ATXN7L1: variants seen among roughly 807,000 people sequenced by gnomAD.
ATXN7L1 encodes ataxin-7-like protein 1.
ATXN7L1 carries 15 observed loss-of-function variants against 70.8 expected under a neutral mutation model. The observed-to-expected ratio is 0.21, with a 90% CI of 0.14 to 0.33. The LOEUF is 0.33. Ranked by LOEUF, ATXN7L1 falls within the 10% of genes least tolerant of loss-of-function variation. The probability of loss-of-function intolerance (pLI) is 1.00; values close to 1 mark genes in which losing one functional copy is unlikely to be tolerated. For missense variants in ATXN7L1, 975 were observed against 1,097.1 expected, an observed-to-expected ratio of 0.89 and a Z score of 1.57; for synonymous variants, 440 against 445.1, an observed-to-expected ratio of 0.99 and a Z score of 0.14.
At chr7:105,808,757 A>C (rs968813282) in intron 2 of ATXN7L1, among the ~76,000 whole-genome samples, 5 of 152,240 alleles carry the variant, frequency 3.3e-5, no homozygotes, top group Admixed American at 6.5e-5. Context: ...CTGCTTTTAC[A>C]GATCAAGTGC....
chr7:105,641,765 G>A (rs942449744), intron 5 of ATXN7L1, among the ~76,000 whole-genome samples: 2 of 152,264 alleles, frequency 1.3e-5, no homozygotes, highest in Non-Finnish European at 2.9e-5. Context: ...TTTCTTTCTT[G>A]ACAGTGGGTG....
chr7:105,635,309 C>T (rs1416052790), intron 7 of ATXN7L1, among the ~76,000 whole-genome samples: 2 of 152,086 alleles, frequency 1.3e-5, no homozygotes, highest in South Asian at 2.1e-4. Flanking sequence ...GAGTTGGAGG[C>T]GAATAAACTG....
rs1793643158 is a variant in ATXN7L1, at chr7:105,614,890, T to C, written c.1518-74A>G. On this transcript the variant is annotated intron_variant, in intron 9 of 11. Coordinates refer to ENST00000419735, the MANE Select transcript of ATXN7L1 (RefSeq NM_020725.2). The surrounding 1 kb of genome is among the most constrained non-coding windows in gnomAD (Gnocchi z 4.3). ...CATTGCTCAGGAGGCTCGATGACGT[T>C]TGAGGATCAGGGCTACAGAGGACAC... 6.1e-6 allele frequency: 9 copies of C among 1,483,026 alleles called. No homozygotes were observed. The South Asian group carries it at 9.5e-5, about 16-fold the overall frequency. 91.9% of individuals were successfully genotyped at this position (1,483,026 alleles called of 1,614,324 possible). A position where few individuals can be genotyped will look rare whatever the true frequency, so the allele number is the denominator to read the frequency against.
intron 3 of ATXN7L1, among the ~76,000 whole-genome samples, chr7:105,674,504 ATTAAAGC>A (rs1474799231): frequency 1.3e-5 from 2 of 152,186 alleles, no homozygotes; most frequent in Non-Finnish European, 2.9e-5. Context: ...GATGGGGGAA[ATTAAAGC>A]TTAGCAAGAT....
chr7:105,746,875 C>T (rs1219021723), intron 3 of ATXN7L1, among the ~76,000 whole-genome samples: 1 of 152,174 alleles, frequency 6.6e-6, no homozygotes, highest in Non-Finnish European at 1.5e-5. Flanking sequence ...ATGGAACAGC[C>T]TTGCCTTCTG....
intron 3 of ATXN7L1, among the ~76,000 whole-genome samples, chr7:105,787,895 T>C (rs2116479390): frequency 6.6e-6 from 1 of 152,378 alleles, no homozygotes; most frequent in East Asian, 1.9e-4. Context: ...TTCCCTGCTA[T>C]AGATAAGGAA....
intron 2 of ATXN7L1, among the ~76,000 whole-genome samples, chr7:105,864,584 T>C (rs1817126647): frequency 6.7e-6 from 1 of 148,888 alleles, no homozygotes; most frequent in Non-Finnish European, 1.5e-5. Flanking sequence ...CACAGCAGGG[T>C]CTCCAGAATG....
At chr7:105,712,168 C>G (rs1213725477) in intron 3 of ATXN7L1, among the ~76,000 whole-genome samples, 2 of 152,226 alleles carry the variant, frequency 1.3e-5, no homozygotes, top group Non-Finnish European at 2.9e-5. Context: ...CACAGTGTCC[C>G]AAGGCTGCAC....
At chr7:105,784,445 C>CAA (rs1803978132) in intron 3 of ATXN7L1, among the ~76,000 whole-genome samples, 1 of 151,976 alleles carries the variant, frequency 6.6e-6, no homozygotes, top group Non-Finnish European at 1.5e-5. Flanking sequence ...AACACACACA[C>CAA]ACACACACAC....
At position 105,749,937 on chromosome 7, in the gene ATXN7L1, A is replaced by G. The variant is rs73717271; in HGVS notation, c.355+38667T>C. Among the ~76,000 whole-genome samples the G allele has an allele frequency of 8.4e-3, 1,271 of 151,980 alleles. 24 individuals are homozygous for G. Among genetic ancestry groups the G allele is most frequent in the African/African-American group, 0.028 (1,175 of 41,536 alleles). On this transcript the variant is annotated intron_variant, in intron 3 of 11. Coordinates refer to ENST00000419735, the MANE Select transcript of ATXN7L1 (RefSeq NM_020725.2). ...CTGGGCACTTACTGCCTAAAAATGG[A>G]CTAGTCTGTGAAGGTTCTTCCTGCA... is the stretch of plus-strand genomic sequence containing the variant.
intron 2 of ATXN7L1, among the ~76,000 whole-genome samples, chr7:105,823,539 G>A (rs1477260976): frequency 6.6e-6 from 1 of 152,124 alleles, no homozygotes; most frequent in Non-Finnish European, 1.5e-5. Flanking sequence ...AGGAATTATT[G>A]TCTGATTTGT....
intron 2 of ATXN7L1, among the ~76,000 whole-genome samples, chr7:105,791,985 T>C (rs1470671844): frequency 6.6e-6 from 1 of 152,176 alleles, no homozygotes; most frequent in Non-Finnish European, 1.5e-5. Flanking sequence ...GTGGGGAATT[T>C]GTCCCTGCAC....
chr7:105,805,533 G>A (rs1554469648), intron 2 of ATXN7L1, among the ~76,000 whole-genome samples: 2 of 152,206 alleles, frequency 1.3e-5, no homozygotes, highest in Non-Finnish European at 2.9e-5. Context: ...GGGGTACAGA[G>A]AAATGAATGC....
At chr7:105,677,073 G>T (rs143176333) in intron 3 of ATXN7L1, among the ~76,000 whole-genome samples, 1 of 152,240 alleles carries the variant, frequency 6.6e-6, no homozygotes, top group African/African-American at 2.4e-5. Context: ...AGGCAGAGCA[G>T]GTGCCAGGCT....
Position 105,743,585 on chromosome 7 carries a change from C to T in ATXN7L1, c.355+45019G>A, listed in dbSNP as rs554237712. Among the ~76,000 whole-genome samples, 45 of 152,240 alleles carry T rather than the reference C, an allele frequency of 3.0e-4. 1 individual carries two copies. In the South Asian group the frequency reaches 8.5e-3, roughly 29 times the overall value. The stretch of plus-strand genomic sequence containing the variant: ...GCGACACTGAGAAAGCAGATATGAT[C>T]GCTTTAGAAGTCCGTGACTATGCTG... On this transcript the variant is annotated intron_variant, in intron 3 of 11. Coordinates refer to ENST00000419735, the MANE Select transcript of ATXN7L1 (RefSeq NM_020725.2).
intron 2 of ATXN7L1, among the ~76,000 whole-genome samples, chr7:105,793,623 T>A (rs575024499): frequency 6.6e-6 from 1 of 152,284 alleles, no homozygotes; most frequent in East Asian, 1.9e-4. Context: ...TGTGGCTGAA[T>A]GCCAAGAAAA....
chr7:105,653,888 A>C (rs1419546225), intron 4 of ATXN7L1, among the ~76,000 whole-genome samples: 1 of 151,954 alleles, frequency 6.6e-6, no homozygotes, highest in Non-Finnish European at 1.5e-5. Context: ...CTCCAGGTGA[A>C]CACTCCCCCA....
chr7:105,626,360 C>T (rs1721483), intron 7 of ATXN7L1, among the ~76,000 whole-genome samples: 7,463 of 152,036 alleles, frequency 0.049, 796 homozygotes, highest in East Asian at 0.48. Flanking sequence ...TTGGAAGGAG[C>T]GGGGAATAGG....
chr7:105,644,314 T>G (rs1798680381), intron 4 of ATXN7L1, among the ~76,000 whole-genome samples: 1 of 152,190 alleles, frequency 6.6e-6, no homozygotes, highest in South Asian at 2.1e-4. Context: ...TTTATGACTC[T>G]GAAATAGGAT....
Sources: gnomAD v4.1 joint callset for allele counts (sites outside exome capture counted in the v4.1 genomes callset) on GRCh38, gnomAD v4.1.1 for gene constraint, Gnocchi (gnomAD v3.1) non-coding constraint, MANE v1.5 for transcripts, NCBI Gene and HGNC (gene_info 2026-07-23, HGNC 2026-07-21) for gene names.